The following CALCOCO2 variants were observed in gnomAD, a reference collection of about 807,000 sequenced individuals.
CALCOCO2 encodes calcium binding and coiled-coil domain 2.
A neutral mutation model predicts 62.5 loss-of-function variants in CALCOCO2; 42 were observed. The ratio of observed to expected loss-of-function variants is 0.67; its 90% CI spans 0.53 to 0.87. CALCOCO2 has a LOEUF of 0.87. Ranked by LOEUF, CALCOCO2 falls within the 40% of genes least tolerant of loss-of-function variation. CALCOCO2 has a pLI of 0.00. For synonymous variants in CALCOCO2, 167 were observed against 173.0 expected (o/e 0.97, Z 0.27); for missense variants, 456 against 515.0 (o/e 0.89, Z 1.11).
At chr17:48,855,984 C>T (rs1182578453) in intron 9 of CALCOCO2, 108 bp from the exon 10 acceptor site, 1 of 505,034 alleles carries the variant, frequency 2.0e-6, no homozygotes, top group Non-Finnish European at 3.6e-6. Context: ...TTGCGTTCTC[C>T]TCCATCTCAG....
chr17:48,856,370 T>C (rs974911245), intron 10 of CALCOCO2, 183 bp downstream of exon 10: 13 of 530,802 alleles, frequency 2.4e-5, no homozygotes, highest in African/African-American at 1.9e-4. Flanking sequence ...ACCCTGTCTT[T>C]ATTCTACAAC....
At chr17:48,853,465 G>C (rs1228605049) in intron 9 of CALCOCO2, among the ~76,000 whole-genome samples, 2 of 152,186 alleles carry the variant, frequency 1.3e-5, no homozygotes, top group Non-Finnish European at 2.9e-5. Context: ...ATAATTTCCT[G>C]TAATATATTG....
chr17:48,863,380 G>C lies in CALCOCO2; in HGVS notation c.*375G>C, dbSNP rs1488916566. On this transcript the variant is annotated 3_prime_UTR_variant, in exon 13 of 13. Transcript: ENST00000258947. ...TGCCATTCAAAGTCAGCCCTTGAGT[G>C]TATTTGTTCTCAGTCCTAACCCTGG... 7.7e-6 allele frequency: 2 copies of C among 259,986 alleles called. No individual in the cohort carries two copies. Among genetic ancestry groups the C allele is most frequent in the African/African-American group, 4.4e-5 (2 of 44,944 alleles). 16.1% of individuals were successfully genotyped at this position (259,986 alleles called of 1,614,324 possible). A position where few individuals can be genotyped will look rare whatever the true frequency, so the allele number is the denominator to read the frequency against.
chr17:48,845,728 C>CAAAAAAAAAAAAA (rs534937285), intron 2 of CALCOCO2, among the ~76,000 whole-genome samples: 1 of 107,898 alleles, frequency 9.3e-6, no homozygotes. Flanking sequence ...GACTCCATCT[C>CAAAAAAAAAAAAA]AAAAAAAAAA....
chr17:48,847,953 C>T, intron 2 of CALCOCO2, 111 bp from the exon 3 acceptor site: 2 of 659,646 alleles, frequency 3.0e-6, no homozygotes, highest in South Asian at 1.9e-5. Flanking sequence ...CTGCACCCGG[C>T]CTATATTTTC....
At chr17:48,857,972 A>ATGAATTGAATTGAATTGAATTGAAT (rs1378115998) in intron 10 of CALCOCO2, among the ~76,000 whole-genome samples, 2 of 70,992 alleles carry the variant, frequency 2.8e-5, no homozygotes, top group South Asian at 5.4e-4. Context: ...GCAAGACTAC[A>ATGAATTGAATTGAATTGAATTGAAT]TCAATAGAAT....
chr17:48,847,293 C>G (rs1052774479), intron 2 of CALCOCO2, among the ~76,000 whole-genome samples: 1 of 151,984 alleles, frequency 6.6e-6, no homozygotes, highest in Non-Finnish European at 1.5e-5. Context: ...CTTAATTGGA[C>G]ACAATAGAGG....
At chr17:48,842,871 C>T (rs2143596909) in intron 2 of CALCOCO2, among the ~76,000 whole-genome samples, 1 of 151,706 alleles carries the variant, frequency 6.6e-6, no homozygotes, top group East Asian at 2.0e-4. Context: ...GAATTCCTGA[C>T]CTTGTGATCT....
At chr17:48,856,640 CATT>C (rs1316962884) in intron 10 of CALCOCO2, 10 of 166,040 alleles carry the variant, frequency 6.0e-5, no homozygotes, top group Admixed American at 4.1e-4. Context: ...AAATGCTGTG[CATT>C]CATTCATTCA....
chr17:48,851,089 G>C lies in CALCOCO2; in HGVS notation c.544G>C (p.Glu182Gln), dbSNP rs1446641943. 3 of 1,564,784 alleles carry C rather than the reference G, an allele frequency of 1.9e-6. No individual in the cohort carries two copies. The highest frequency in any genetic ancestry group is 2.6e-6 in the Non-Finnish European group (3 of 1,135,186). The change falls in exon 6 of 13, where the codon GAG becomes CAG. Residue 182 changes from glutamate (E) to glutamine (Q), a missense_variant and splice_region_variant. Glu to Gln is a conservative substitution (Grantham distance 29, BLOSUM62 2). Around this residue, in one of 3 missense-constraint regions of CALCOCO2, gnomAD observed 236 missense variants for 225.3 expected, o/e 1.05. Transcript: ENST00000258947. ...DMQAELQKKQ[E>Q]ELETLQSINK... ...CCTTTGATGTTGTTTCAATCTATAGGAGGAGCTAGAAACCCTACAGAGCAT... is the reference window on the plus strand; with the variant it reads ...CCTTTGATGTTGTTTCAATCTATAGCAGGAGCTAGAAACCCTACAGAGCAT...
Position 48,849,695 on chromosome 17 carries a change from G to T in CALCOCO2, c.543+318G>T, listed in dbSNP as rs370957017. ...CAATTTTTATATTTTTTAGAGACAG[G>T]GTTTTACCATGTTGGCCAGGCTGGT... On this transcript the variant is annotated intron_variant, in intron 5 of 12. Coordinates refer to ENST00000258947, the MANE Select transcript of CALCOCO2 (RefSeq NM_005831.5). 3.2e-3 allele frequency among the ~76,000 whole-genome samples: 492 copies of T among 151,890 alleles called. 20 individuals carry two copies. The South Asian group carries it at 0.096, about 30-fold the overall frequency.
intron 2 of CALCOCO2, chr17:48,843,828 T>A (rs2040008055): frequency 6.6e-6 from 1 of 152,268 alleles, no homozygotes. Context: ...TAGCCACATG[T>A]GGCTGTTAAG....
At chr17:48,842,079 T>C in intron 2 of CALCOCO2, 192 bp downstream of exon 2, 1 of 386,190 alleles carries the variant, frequency 2.6e-6, no homozygotes, top group Non-Finnish European at 4.6e-6. Flanking sequence ...TTCATTTCAG[T>C]GTCAAGCTAA....
chr17:48,851,128 G>C lies in CALCOCO2; in HGVS notation c.583G>C (p.Glu195Gln). 3.1e-6 allele frequency: 5 copies of C among 1,611,330 alleles called. No homozygotes were observed. Among genetic ancestry groups the C allele is most frequent in the Non-Finnish European group, 4.2e-6 (5 of 1,177,604 alleles). ...CCTACAGAGCATCAATAAGAAGTTG[G>C]AACTGAAAGTGAAAGAACAGAAGGA... ...ETLQSINKKL[E>Q]LKVKEQKDYW... The change falls in exon 6 of 13, where the codon GAA becomes CAA. Residue 195 changes from glutamate (E) to glutamine (Q), a missense_variant. Physicochemically the swap from Glu to Gln is conservative, Grantham distance 29. Around this residue, in one of 3 missense-constraint regions of CALCOCO2, gnomAD observed 236 missense variants for 225.3 expected, o/e 1.05. Coordinates refer to ENST00000258947, the MANE Select transcript of CALCOCO2 (RefSeq NM_005831.5).
At chr17:48,846,416 CT>C in intron 2 of CALCOCO2, 1 of 1,049,144 alleles carries the variant, frequency 9.5e-7, no homozygotes, top group South Asian at 1.4e-5. Flanking sequence ...GTGTATAATC[CT>C]ATGCTTCATA....
At chr17:48,850,700 G>T (rs964776791) in intron 5 of CALCOCO2, among the ~76,000 whole-genome samples, 1 of 152,028 alleles carries the variant, frequency 6.6e-6, no homozygotes, top group Non-Finnish European at 1.5e-5. Context: ...TTTGTTTAAT[G>T]AACAAATTAT....
chr17:48,848,623 CAA>C (rs2040085279), intron 4 of CALCOCO2, 168 bp downstream of exon 4: 1 of 677,108 alleles, frequency 1.5e-6, no homozygotes, highest in Non-Finnish European at 2.6e-6. Context: ...GGAATGTTAA[CAA>C]GACTCATAAC....
At chr17:48,858,713 C>T in intron 10 of CALCOCO2, among the ~76,000 whole-genome samples, 1 of 151,840 alleles carries the variant, frequency 6.6e-6, no homozygotes, top group East Asian at 1.9e-4. Flanking sequence ...GGCAGGTGCA[C>T]ACACAGTTTG....
rs374335998 is a variant in CALCOCO2 at position 48,848,093 on chromosome 17, C to T, written c.210C>T (p.Tyr70=). 7.4e-5 allele frequency: 119 copies of T among 1,612,528 alleles called. No individual in the cohort carries two copies. Among genetic ancestry groups the T allele is most frequent in the Non-Finnish European group, 8.3e-5 (98 of 1,178,682 alleles). Residue 70 remains tyrosine (Y), a synonymous_variant, in exon 3 of 13, where the codon TAC becomes TAT. Transcript: ENST00000258947. ...RVGWKTTREY[Y]TFMWVTLPID... ...GGTGGAAGACAACCCGTGAGTATTA[C>T]ACCTTCATGTGGGTTACTTTGCCCA...
Sources: gnomAD v4.1 joint callset for allele counts (sites outside exome capture counted in the v4.1 genomes callset) on GRCh38, gnomAD v4.1.1 for gene constraint, gnomAD v4.1.1 regional missense constraint, MANE v1.5 for transcripts, NCBI Gene and HGNC (gene_info 2026-07-23, HGNC 2026-07-21) for gene names.